The following CRACR2A variants were observed in gnomAD, a reference collection of about 807,000 sequenced individuals.
CRACR2A encodes the protein EF-hand calcium-binding domain-containing protein 4B.
Under a neutral mutation model 90.5 loss-of-function variants are expected in CRACR2A, and 79 were observed. That is an observed-to-expected ratio of 0.87 (90% confidence interval 0.73 to 1.05). The LOEUF is 1.05. CRACR2A is among the 50% of genes least tolerant of loss of function. CRACR2A has a pLI of 0.00. For missense variants in CRACR2A, 823 were observed against 897.2 expected (o/e 0.92, Z 1.06); for synonymous variants, 338 against 356.7 (o/e 0.95, Z 0.59).
intron 4 of CRACR2A, among the ~76,000 whole-genome samples, chr12:3,693,617 G>A (rs978729896): frequency 2.6e-5 from 4 of 152,116 alleles, no homozygotes; most frequent in East Asian, 1.9e-4. Flanking sequence ...CTTCTCTTAC[G>A]GTATGTTGAA....
At chr12:3,674,435 T>C (rs1945305324) in intron 6 of CRACR2A, among the ~76,000 whole-genome samples, 2 of 152,162 alleles carry the variant, frequency 1.3e-5, no homozygotes, top group South Asian at 4.1e-4. Flanking sequence ...GAGACACACA[T>C]GGTGGACCCT....
At position 3,751,278 on chromosome 12, in the gene CRACR2A, C is replaced by T. The variant is rs981510170; in HGVS notation, c.-387+1737G>A. On this transcript the variant is annotated intron_variant, in intron 1 of 19. Coordinates refer to ENST00000440314, the MANE Select transcript of CRACR2A (RefSeq NM_001144958.2). ...AGATGACTTTTCCCCTACCCCCAAG[C>T]CTTTTAGCCCCTTCCTGTCCATTCC... Among the ~76,000 whole-genome samples, 3 of 152,242 alleles carry T rather than the reference C, an allele frequency of 2.0e-5. No individual in the cohort carries two copies. The South Asian group carries it at 6.2e-4, about 32-fold the overall frequency.
intron 10 of CRACR2A, 100 bp from the exon 11 acceptor site, chr12:3,648,713 G>A: frequency 6.8e-7 from 1 of 1,479,022 alleles, no homozygotes; most frequent in Non-Finnish European, 9.1e-7. Context: ...TGCTGGGGAT[G>A]GAGGGCATTG....
rs529348026 is a variant in CRACR2A, at chr12:3,707,024, C to T, written c.-37+6213G>A. On this transcript the variant is annotated intron_variant, in intron 3 of 19. Transcript: ENST00000440314. ...CAAAACAAAATTACATGAAGAGAAACAACCAAGAGGTCCAAAAATCTACCC... is the reference window on the plus strand; with the variant it reads ...CAAAACAAAATTACATGAAGAGAAATAACCAAGAGGTCCAAAAATCTACCC... Among the ~76,000 whole-genome samples the T allele has an allele frequency of 4.4e-4, 67 of 152,232 alleles. 1 individual carries two copies. The South Asian group carries it at 0.013, about 31-fold the overall frequency.
At chr12:3,743,008 T>A (rs1165460936) in intron 1 of CRACR2A, among the ~76,000 whole-genome samples, 1 of 152,262 alleles carries the variant, frequency 6.6e-6, no homozygotes, top group Non-Finnish European at 1.5e-5. Flanking sequence ...TACATATTAA[T>A]CCATTTTGTT....
At chr12:3,677,284 G>A (rs242030) in intron 6 of CRACR2A, among the ~76,000 whole-genome samples, 57,766 of 152,068 alleles carry the variant, frequency 0.38, 11,344 homozygotes, top group Middle Eastern at 0.51. Flanking sequence ...TCTCACAGCC[G>A]TGAATGTTTC....
intron 4 of CRACR2A, among the ~76,000 whole-genome samples, chr12:3,682,315 T>A (rs1048732661): frequency 5.5e-4 from 84 of 152,152 alleles, no homozygotes; most frequent in African/African-American, 1.8e-3. Context: ...ACCCTCAACA[T>A]GCCTTTCACT....
chr12:3,686,271 C>T (rs552748801), intron 4 of CRACR2A, among the ~76,000 whole-genome samples: 2 of 152,314 alleles, frequency 1.3e-5, no homozygotes, highest in South Asian at 2.1e-4. Flanking sequence ...GTGGACCATT[C>T]GGTCTTTGTC....
At chr12:3,656,206 A>T in intron 9 of CRACR2A, 105 bp downstream of exon 9, 1 of 1,095,494 alleles carries the variant, frequency 9.1e-7, no homozygotes, top group Non-Finnish European at 1.4e-6. Context: ...TTCTCAGGTT[A>T]AAAACTCAAA....
chr12:3,664,304 G>A (rs1048260918), intron 7 of CRACR2A, among the ~76,000 whole-genome samples: 1 of 152,138 alleles, frequency 6.6e-6, no homozygotes, highest in African/African-American at 2.4e-5. Context: ...TATTCTATTT[G>A]TAAGGCACAC....
At chr12:3,659,726 C>T (rs1259472156) in intron 7 of CRACR2A, 72 bp from the exon 8 acceptor site, 20 of 1,215,998 alleles carry the variant, frequency 1.6e-5, no homozygotes, top group Non-Finnish European at 2.3e-5. Flanking sequence ...GGAGCTCAGA[C>T]ACCAGTTCCC....
intron 3 of CRACR2A, among the ~76,000 whole-genome samples, 189 bp from the exon 4 acceptor site, chr12:3,697,224 C>T (rs1202791153): frequency 1.3e-5 from 2 of 152,142 alleles, no homozygotes; most frequent in African/African-American, 2.4e-5. Flanking sequence ...AATAGATCAG[C>T]AAGCCCATCA....
Position 3,708,538 on chromosome 12 carries a change from C to A in CRACR2A, c.-37+4699G>T, listed in dbSNP as rs147838636. 1.5e-3 allele frequency among the ~76,000 whole-genome samples: 230 copies of A among 152,334 alleles called. 1 individual carries two copies. The highest frequency in any genetic ancestry group is 4.6e-3 in the African/African-American group (193 of 41,580). Reference sequence around the variant, plus strand: ...CTCCCGGGTTCGCGCCATTCTCCTGCCTCAGCCTCCCGAGTAGCTGGGACT... The same window carrying A: ...CTCCCGGGTTCGCGCCATTCTCCTGACTCAGCCTCCCGAGTAGCTGGGACT... On this transcript the variant is annotated intron_variant, in intron 3 of 19. Transcript: ENST00000440314.
intron 3 of CRACR2A, among the ~76,000 whole-genome samples, chr12:3,709,750 C>G (rs1469944581): frequency 6.6e-6 from 1 of 152,216 alleles, no homozygotes; most frequent in East Asian, 1.9e-4. Context: ...GCACTCTGGC[C>G]TGGGCGACAG....
chr12:3,691,734 A>T (rs946045589), intron 4 of CRACR2A, among the ~76,000 whole-genome samples: 1 of 152,214 alleles, frequency 6.6e-6, no homozygotes, highest in African/African-American at 2.4e-5. Context: ...ATATCCTGAA[A>T]TATGTTTCCA....
In CRACR2A at chr12:3,734,653, GCATA is replaced by G. The variant is rs146734728; in HGVS notation, c.-386-1447_-386-1444del. Among the ~76,000 whole-genome samples, 77 of 151,354 alleles carry G rather than the reference GCATA, an allele frequency of 5.1e-4. 1 individual carries two copies. Among genetic ancestry groups the G allele is most frequent in the East Asian group, 9.7e-4 (5 of 5,140 alleles). On this transcript the variant is annotated intron_variant, in intron 1 of 19. Transcript: ENST00000440314. Reference sequence around the variant, plus strand: ...TATGTGTGTGTGTGTGTGTGTGTGTGCATATACATAATAGAATATAATTTATCCA... The same window carrying G: ...TATGTGTGTGTGTGTGTGTGTGTGTGTACATAATAGAATATAATTTATCCA...
chr12:3,682,030 C>A (rs1272402837), intron 4 of CRACR2A, among the ~76,000 whole-genome samples: 2 of 152,222 alleles, frequency 1.3e-5, no homozygotes, highest in Non-Finnish European at 2.9e-5. Flanking sequence ...CATAAACCAG[C>A]TGTCTCAAAA....
rs180985636 is a variant in CRACR2A at position 3,739,479 on chromosome 12, G to C, written c.-386-6269C>G. ...ATTAATGAATACATTTTAAAAATAAGACATTGCTAACAACAACGAATGACT... is the reference window on the plus strand; with the variant it reads ...ATTAATGAATACATTTTAAAAATAACACATTGCTAACAACAACGAATGACT... On this transcript the variant is annotated intron_variant, in intron 1 of 19. Coordinates refer to ENST00000440314, the MANE Select transcript of CRACR2A (RefSeq NM_001144958.2). Among the ~76,000 whole-genome samples the C allele has an allele frequency of 1.9e-3, 282 of 152,236 alleles. 1 individual carries two copies. Among genetic ancestry groups the C allele is most frequent in the Non-Finnish European group, 2.2e-3 (152 of 68,006 alleles).
At position 3,628,161 on chromosome 12, in the gene CRACR2A, CTCTCTCTTTCTT is replaced by C. The variant is rs373036564; in HGVS notation, c.1736-467_1736-456del. 5.3e-3 allele frequency among the ~76,000 whole-genome samples: 792 copies of C among 148,248 alleles called. 8 individuals are homozygous for C. Among genetic ancestry groups the C allele is most frequent in the African/African-American group, 0.018 (739 of 40,518 alleles). Reference sequence around the variant, plus strand: ...CCCTTCCTCCCTCCCTCTCCCCCAACTCTCTCTTTCTTTCTCTCTTTCTTTCTCTCTCTCTCT... The same window carrying C: ...CCCTTCCTCCCTCCCTCTCCCCCAACTCTCTCTTTCTTTCTCTCTCTCTCT... On this transcript the variant is annotated intron_variant, in intron 15 of 19. Transcript: ENST00000440314.
Sources: gnomAD v4.1 joint callset for allele counts (sites outside exome capture counted in the v4.1 genomes callset) on GRCh38, gnomAD v4.1.1 for gene constraint, MANE v1.5 for transcripts, NCBI Gene and HGNC (gene_info 2026-07-23, HGNC 2026-07-21) for gene names.